Variants in LEPR observed in about 807,000 individuals in gnomAD.
LEPR encodes OB receptor.
Under a neutral mutation model 114.7 loss-of-function variants are expected in LEPR, and 56 were observed. The ratio of observed to expected loss-of-function variants is 0.49; its 90% CI spans 0.39 to 0.61. The LOEUF is 0.61. Among genes scored for constraint, LEPR ranks in the 20% least tolerant of loss-of-function variants. The pLI, the probability that LEPR is intolerant of heterozygous loss-of-function variation, is 0.00. For synonymous variants in LEPR, 443 were observed against 461.4 expected (o/e 0.96, Z 0.51); for missense variants, 1,202 against 1,352.9 (o/e 0.89, Z 1.75).
At chr1:65,632,765 T>A (rs920708846) in intron 19 of LEPR, among the ~76,000 whole-genome samples, 6 of 152,264 alleles carry the variant, frequency 3.9e-5, no homozygotes, top group South Asian at 2.1e-4. Context: ...TTATTTTTTT[T>A]AAATTTTTCT....
At chr1:65,556,928 TAGAG>T (rs1231815482) in intron 2 of LEPR, among the ~76,000 whole-genome samples, 2 of 152,150 alleles carry the variant, frequency 1.3e-5, no homozygotes, top group Non-Finnish European at 2.9e-5. Flanking sequence ...ACTACTGTGT[TAGAG>T]AGACATGATC....
Position 65,633,704 on chromosome 1 carries a change from A to T in LEPR, c.2674-2487A>T. On this transcript the variant is annotated intron_variant, in intron 19 of 19. Transcript: ENST00000349533. This position sits in a 1 kb window ranked among gnomAD's most constrained non-coding sequence, Gnocchi z 4.1. ...GACACGTCAGCCTAAAAATCAGCCTATTCGGGTGTTCTTTTGAATATCTCC... is the reference window on the plus strand; with the variant it reads ...GACACGTCAGCCTAAAAATCAGCCTTTTCGGGTGTTCTTTTGAATATCTCC... 1 of 985,468 alleles carries T rather than the reference A, an allele frequency of 1.0e-6. No individual in the cohort carries two copies. The highest frequency in any genetic ancestry group is 1.2e-6 in the Non-Finnish European group (1 of 829,926). The allele number at this position is 985,468 out of a possible 1,614,324, so 61.0% of individuals were successfully genotyped here. A position where few individuals can be genotyped will look rare whatever the true frequency, so the allele number is the denominator to read the frequency against.
rs1381299720 is a variant in LEPR, at chr1:65,455,860, G to C, written c.-21+30482G>C. Among the ~76,000 whole-genome samples the C allele has an allele frequency of 2.6e-5, 4 of 152,210 alleles. No individual in the cohort carries two copies. In the East Asian group the frequency reaches 5.8e-4, roughly 22 times the overall value. On this transcript the variant is annotated intron_variant, in intron 2 of 19. Coordinates refer to ENST00000349533, the MANE Select transcript of LEPR (RefSeq NM_002303.6). ...GTTTACCTAATCAAGCCTGGACAAT[G>C]GTGGGCGCCCCTCCCCCAGCCTTGC...
chr1:65,470,633 C>T (rs979279105), intron 2 of LEPR, among the ~76,000 whole-genome samples: 8 of 152,106 alleles, frequency 5.3e-5, no homozygotes, highest in Non-Finnish European at 7.3e-5. Context: ...GATGATGTAC[C>T]ACTGATTACC....
intron 2 of LEPR, among the ~76,000 whole-genome samples, chr1:65,428,845 A>G (rs550376346): frequency 1.1e-3 from 164 of 152,186 alleles, no homozygotes; most frequent in African/African-American, 3.9e-3. Context: ...TTTTTTTATA[A>G]TTGCAAAATG....
chr1:65,477,789 C>G (rs992267892), intron 2 of LEPR, among the ~76,000 whole-genome samples: 1 of 152,204 alleles, frequency 6.6e-6, no homozygotes. Context: ...GGGCTGTGTC[C>G]TGTTTCCTTT....
intron 2 of LEPR, among the ~76,000 whole-genome samples, chr1:65,558,501 G>GTTTTTT (rs781558613): frequency 8.6e-5 from 2 of 23,166 alleles, no homozygotes; most frequent in South Asian, 2.4e-3. Flanking sequence ...GTTTCTTAAT[G>GTTTTTT]TTTTTTTTTT....
At chr1:65,512,344 C>T (rs1649077086) in intron 2 of LEPR, among the ~76,000 whole-genome samples, 1 of 152,184 alleles carries the variant, frequency 6.6e-6, no homozygotes, top group African/African-American at 2.4e-5. Flanking sequence ...GGACACAAAT[C>T]TAAACCCTAT....
intron 2 of LEPR, among the ~76,000 whole-genome samples, chr1:65,472,615 GACACAC>G (rs77182938): frequency 0.025 from 3,465 of 137,072 alleles, 69 homozygotes; most frequent in South Asian, 0.073. Context: ...TATATATATA[GACACAC>G]ACACACACAC....
chr1:65,632,921 T>C (rs1161134462), intron 19 of LEPR, among the ~76,000 whole-genome samples: 1 of 152,046 alleles, frequency 6.6e-6, no homozygotes, highest in Non-Finnish European at 1.5e-5. Flanking sequence ...CTTCCTGGGG[T>C]AATTAAAGCT....
At chr1:65,591,808 T>C (rs4655696) in intron 5 of LEPR, among the ~76,000 whole-genome samples, 76,352 of 151,830 alleles carry the variant, frequency 0.5, 20,019 homozygotes, top group East Asian at 0.88. Context: ...GCTGTTTGCA[T>C]TTAGTGTGAA....
At chr1:65,480,643 C>T (rs1286909197) in intron 2 of LEPR, among the ~76,000 whole-genome samples, 1 of 152,058 alleles carries the variant, frequency 6.6e-6, no homozygotes, top group Non-Finnish European at 1.5e-5. Flanking sequence ...AGTAGATTTT[C>T]TGTTTTTCCT....
intron 5 of LEPR, among the ~76,000 whole-genome samples, chr1:65,582,455 CCTT>C (rs1370815907): frequency 6.6e-6 from 1 of 152,152 alleles, no homozygotes; most frequent in Admixed American, 6.5e-5. Context: ...CTGGAGACCT[CCTT>C]CAGTTCCTTG....
chr1:65,556,171 G>A (rs745829551), intron 2 of LEPR, among the ~76,000 whole-genome samples: 1 of 152,108 alleles, frequency 6.6e-6, no homozygotes, highest in Non-Finnish European at 1.5e-5. Context: ...TGGCAAGAAG[G>A]CACCATCTAT....
intron 8 of LEPR, among the ~76,000 whole-genome samples, chr1:65,599,819 A>G (rs745580579): frequency 1.3e-5 from 2 of 152,186 alleles, no homozygotes; most frequent in East Asian, 1.9e-4. Context: ...AGTATGTCAT[A>G]TGCAGATAAA....
intron 2 of LEPR, among the ~76,000 whole-genome samples, chr1:65,452,133 C>A (rs535312915): frequency 1.3e-4 from 20 of 152,194 alleles, no homozygotes; most frequent in Admixed American, 4.6e-4. Context: ...GATTTTGTAT[C>A]CTGAGACTTT....
At chr1:65,478,414 G>C (rs977790217) in intron 2 of LEPR, among the ~76,000 whole-genome samples, 2 of 152,208 alleles carry the variant, frequency 1.3e-5, no homozygotes, top group African/African-American at 4.8e-5. Context: ...GTAGAAAGAG[G>C]TCTTTTGAAG....
At chr1:65,490,416 A>G (rs1286022531) in intron 2 of LEPR, among the ~76,000 whole-genome samples, 1 of 152,082 alleles carries the variant, frequency 6.6e-6, no homozygotes, top group African/African-American at 2.4e-5. Context: ...CTTGGGGATA[A>G]TATGAATTTT....
In LEPR at chr1:65,637,323, G is replaced by T; in HGVS notation, c.*308G>T. 1 of 254,976 alleles carries T rather than the reference G, an allele frequency of 3.9e-6. No homozygotes were observed. Among genetic ancestry groups the T allele is most frequent in the South Asian group, 6.6e-5 (1 of 15,154 alleles). 15.8% of individuals were successfully genotyped at this position (254,976 alleles called of 1,614,324 possible). ...GTGAGATGTAATTGTTTTTTCAGAGGGCGTGTTGTTTTACCTCAAGTTTTT... is the reference window on the plus strand; with the variant it reads ...GTGAGATGTAATTGTTTTTTCAGAGTGCGTGTTGTTTTACCTCAAGTTTTT... On this transcript the variant is annotated 3_prime_UTR_variant, in exon 20 of 20. Coordinates refer to ENST00000349533, the MANE Select transcript of LEPR (RefSeq NM_002303.6).
Sources: allele counts gnomAD v4.1 joint callset (sites outside exome capture counted in the v4.1 genomes callset), GRCh38; gene constraint gnomAD v4.1.1; non-coding constraint Gnocchi (gnomAD v3.1); transcripts MANE v1.5; gene names NCBI Gene and HGNC (gene_info 2026-07-23, HGNC 2026-07-21).